The following SCLT1 variants were observed in gnomAD, a reference collection of about 807,000 sequenced individuals.
The protein encoded by SCLT1 is sodium channel-associated protein 1.
Under a neutral mutation model 112.8 loss-of-function variants are expected in SCLT1, and 78 were observed. That is an observed-to-expected ratio of 0.69 (90% CI 0.58 to 0.83). The LOEUF is 0.83. Ranked by LOEUF, SCLT1 falls within the 40% of genes least tolerant of loss-of-function variation. The pLI, the probability that SCLT1 is intolerant of heterozygous loss-of-function variation, is 0.00. For missense variants in SCLT1, 747 were observed against 770.4 expected (o/e 0.97, Z 0.36); for synonymous variants, 257 against 254.7 (o/e 1.01, Z -0.09).
intron 12 of SCLT1, among the ~76,000 whole-genome samples, chr4:128,958,604 T>C (rs1014662391): frequency 2.6e-5 from 4 of 152,168 alleles, no homozygotes; most frequent in African/African-American, 7.2e-5. Flanking sequence ...AGAGTGCTCA[T>C]ACAAGTAGGC....
intron 1 of SCLT1, among the ~76,000 whole-genome samples, chr4:129,087,215 A>G (rs1418930214): frequency 6.6e-6 from 1 of 152,208 alleles, no homozygotes; most frequent in Non-Finnish European, 1.5e-5. Flanking sequence ...AGGGAATGTG[A>G]GACCTGCAGA....
At chr4:128,883,154 CAACAAA>C (rs1260719655), downstream of SCLT1, among the ~76,000 whole-genome samples, 1 of 37,478 alleles carries the variant, frequency 2.7e-5, no homozygotes, top group African/African-American at 7.8e-5. Context: ...ACAACAACAA[CAACAAA>C]AAAAAAAAAA....
At position 128,929,721 on chromosome 4, in the gene SCLT1, C is replaced by A. The variant is rs115335000; in HGVS notation, c.1829+6934G>T. 4.0e-3 allele frequency among the ~76,000 whole-genome samples: 602 copies of A among 152,098 alleles called. 2 individuals are homozygous for A. The highest frequency in any genetic ancestry group is 0.013 in the African/African-American group (558 of 41,480). Reference sequence around the variant, plus strand: ...TGAACACAAATTATGACAAAAGGGGCAGTGCAAAGTATAATAGCAAGGAAA... The same window carrying A: ...TGAACACAAATTATGACAAAAGGGGAAGTGCAAAGTATAATAGCAAGGAAA... On this transcript the variant is annotated intron_variant, in intron 18 of 20. Coordinates refer to ENST00000281142, the MANE Select transcript of SCLT1 (RefSeq NM_144643.4).
chr4:129,030,027 A>G (rs1746556564), intron 5 of SCLT1, among the ~76,000 whole-genome samples: 1 of 152,084 alleles, frequency 6.6e-6, no homozygotes, highest in Non-Finnish European at 1.5e-5. Flanking sequence ...AGCACCACAT[A>G]CCATGTATTC....
intron 5 of SCLT1, among the ~76,000 whole-genome samples, chr4:129,010,965 A>G (rs1237451909): frequency 1.3e-5 from 2 of 152,148 alleles, no homozygotes; most frequent in Admixed American, 1.3e-4. Flanking sequence ...GTCAAATAGG[A>G]GTGGCGAGAA....
chr4:128,933,294 T>C (rs962145529), intron 18 of SCLT1, among the ~76,000 whole-genome samples: 12 of 152,174 alleles, frequency 7.9e-5, no homozygotes, highest in African/African-American at 2.9e-4. Flanking sequence ...TTAGAATGAA[T>C]TGAATCTACA....
intron 1 of SCLT1, among the ~76,000 whole-genome samples, chr4:129,090,270 TG>T (rs1752721653): frequency 6.6e-6 from 1 of 152,200 alleles, no homozygotes; most frequent in Admixed American, 6.5e-5. Context: ...AGTGGGGTAC[TG>T]GTGTCCAGAC....
chr4:128,941,543 A>C (rs1481919847), intron 17 of SCLT1, among the ~76,000 whole-genome samples: 1 of 151,784 alleles, frequency 6.6e-6, no homozygotes, highest in Non-Finnish European at 1.5e-5. Context: ...TTTTCTTATT[A>C]ATTGGTAAAA....
At chr4:129,075,032 T>G (rs935928030) in intron 2 of SCLT1, among the ~76,000 whole-genome samples, 1 of 152,146 alleles carries the variant, frequency 6.6e-6, no homozygotes. Context: ...GATGACTCCC[T>G]GAAATAATGC....
At chr4:128,921,030 A>G (rs1459686921) in intron 18 of SCLT1, among the ~76,000 whole-genome samples, 4 of 152,206 alleles carry the variant, frequency 2.6e-5, no homozygotes, top group Non-Finnish European at 5.9e-5. Context: ...GCAGAGACCC[A>G]AATCAAGAAC....
chr4:128,984,706 T>TC (rs1741943483), intron 9 of SCLT1, among the ~76,000 whole-genome samples: 1 of 152,146 alleles, frequency 6.6e-6, no homozygotes. Flanking sequence ...AAATCTTATA[T>TC]CCTTTTTTTC....
At chr4:128,948,633 A>T in intron 14 of SCLT1, 63 bp from the exon 15 acceptor site, 1 of 1,204,238 alleles carries the variant, frequency 8.3e-7, no homozygotes, top group Non-Finnish European at 1.2e-6. Flanking sequence ...AAGTGGGGAA[A>T]AATTATAATT....
chr4:128,961,009 T>C (rs984678272), intron 11 of SCLT1, among the ~76,000 whole-genome samples: 3 of 144,126 alleles, frequency 2.1e-5, no homozygotes, highest in Non-Finnish European at 3.0e-5. Context: ...TTTTTTTTTT[T>C]CCAAATCTAC....
intron 18 of SCLT1, among the ~76,000 whole-genome samples, chr4:128,926,625 T>A (rs984911741): frequency 3.3e-5 from 5 of 152,164 alleles, no homozygotes; most frequent in Non-Finnish European, 7.4e-5. Flanking sequence ...GTATTGTTCA[T>A]ATATATTTAT....
At chr4:129,038,375 TTCC>T (rs1178203024) in intron 5 of SCLT1, among the ~76,000 whole-genome samples, 1 of 152,160 alleles carries the variant, frequency 6.6e-6, no homozygotes, top group African/African-American at 2.4e-5. Flanking sequence ...ATCCAGCAAC[TTCC>T]TTCCTTGAAA....
intron 5 of SCLT1, 49 bp downstream of exon 5, chr4:129,038,992 G>A: frequency 8.9e-7 from 1 of 1,128,002 alleles, no homozygotes; most frequent in South Asian, 1.3e-5. Context: ...AAAAATAAAA[G>A]TTACCTAAGA....
chr4:128,957,896 A>G (rs1438587400), intron 12 of SCLT1, among the ~76,000 whole-genome samples: 1 of 151,990 alleles, frequency 6.6e-6, no homozygotes, highest in Admixed American at 6.6e-5. Context: ...TTTTCCTCCT[A>G]TCTCACTGAT....
chr4:129,050,669 A>G (rs1748694948), intron 2 of SCLT1, among the ~76,000 whole-genome samples: 1 of 152,112 alleles, frequency 6.6e-6, no homozygotes, highest in African/African-American at 2.4e-5. Context: ...ATATTCTCCC[A>G]TTCTGTAGGT....
Position 128,970,358 on chromosome 4 carries a change from G to A in SCLT1, c.777+20C>T. On this transcript the variant is annotated intron_variant, in intron 10 of 20. Transcript: ENST00000281142. ...AAAACTAAGCAATAGGTACCCATTT[G>A]TCTTAGAAATAGAAAATACCTTCTT... 1 of 1,345,848 alleles carries A rather than the reference G, an allele frequency of 7.4e-7. No homozygotes were observed. The highest frequency in any genetic ancestry group is 1.1e-6 in the Non-Finnish European group (1 of 937,816). The allele number at this position is 1,345,848 out of a possible 1,614,324, so 83.4% of individuals were successfully genotyped here.
Sources: gnomAD v4.1 joint callset for allele counts (sites outside exome capture counted in the v4.1 genomes callset) on GRCh38, gnomAD v4.1.1 for gene constraint, MANE v1.5 for transcripts, NCBI Gene and HGNC (gene_info 2026-07-23, HGNC 2026-07-21) for gene names.